The following SLC35F3 variants were observed in gnomAD, a reference collection of about 807,000 sequenced individuals.
SLC35F3 encodes the protein solute carrier family 35 member F3, also known as putative thiamine transporter SLC35F3.
In SLC35F3, 25 loss-of-function variants were observed where a neutral mutation model predicts 49.9. The observed-to-expected ratio is 0.50, with a 90% CI of 0.37 to 0.70. SLC35F3 has a LOEUF of 0.70. Ranked by LOEUF, SLC35F3 falls within the 30% of genes least tolerant of loss-of-function variation. The probability of loss-of-function intolerance (pLI) is 0.00; values close to 1 mark genes in which losing one functional copy is unlikely to be tolerated. For synonymous variants in SLC35F3, 275 were observed against 265.4 expected, an observed-to-expected ratio of 1.04 and a Z score of -0.35; for missense variants, 525 against 639.8, an observed-to-expected ratio of 0.82 and a Z score of 1.94.
At chr1:234,117,397 G>A (rs1188045145) in intron 2 of SLC35F3, among the ~76,000 whole-genome samples, 3 of 151,962 alleles carry the variant, frequency 2.0e-5, no homozygotes, top group Non-Finnish European at 4.4e-5. Context: ...TTCCAGACCA[G>A]CCTGGGCAAC....
At chr1:234,053,072 ATGG>A (rs1664402363) in intron 2 of SLC35F3, among the ~76,000 whole-genome samples, 1 of 152,058 alleles carries the variant, frequency 6.6e-6, no homozygotes, top group South Asian at 2.1e-4. Context: ...GTGGTCAATT[ATGG>A]AATAAGTGTG....
At chr1:234,294,155 A>G (rs1049450114) in intron 3 of SLC35F3, among the ~76,000 whole-genome samples, 2 of 152,248 alleles carry the variant, frequency 1.3e-5, no homozygotes, top group Admixed American at 6.5e-5. Context: ...TTGCCTACAC[A>G]TCTGCATAAT....
intron 2 of SLC35F3, among the ~76,000 whole-genome samples, chr1:234,032,366 CT>C (rs969805047): frequency 7.3e-5 from 11 of 149,964 alleles, no homozygotes; most frequent in African/African-American, 2.3e-4. Flanking sequence ...ATATTTTTTT[CT>C]TTTAAAAAAA....
intron 2 of SLC35F3, among the ~76,000 whole-genome samples, chr1:234,176,916 A>T (rs1666484712): frequency 6.6e-6 from 1 of 152,192 alleles, no homozygotes; most frequent in South Asian, 2.1e-4. Context: ...CCAGAACTGA[A>T]ATTTCTTCTT....
rs144054781 is a variant in SLC35F3 at position 234,112,384 on chromosome 1, C to G, written c.284-119033C>G. On this transcript the variant is annotated intron_variant, in intron 2 of 7. Transcript: ENST00000366618. ...AAACAAAAAAATCTGTGCTTAGACA[C>G]ATACTTTCCCTATAACAATGCACAG... Among the ~76,000 whole-genome samples, 7 of 152,134 alleles carry G rather than the reference C, an allele frequency of 4.6e-5. No homozygotes were observed. In the East Asian group the frequency reaches 1.4e-3, roughly 30 times the overall value.
chr1:233,944,098 A>G (rs1344569176), intron 2 of SLC35F3, among the ~76,000 whole-genome samples: 2 of 152,224 alleles, frequency 1.3e-5, no homozygotes, highest in African/African-American at 2.4e-5. Context: ...AAAGATCTCA[A>G]TTTAACAACC....
At chr1:234,308,377 CCA>C (rs1657259289) in intron 3 of SLC35F3, among the ~76,000 whole-genome samples, 2 of 152,192 alleles carry the variant, frequency 1.3e-5, no homozygotes, top group African/African-American at 4.8e-5. Flanking sequence ...GTCCCACAGG[CCA>C]CATGTGGTCC....
intron 2 of SLC35F3, among the ~76,000 whole-genome samples, chr1:233,920,836 C>G (rs1365909969): frequency 6.6e-6 from 1 of 151,578 alleles, no homozygotes; most frequent in Non-Finnish European, 1.5e-5. Flanking sequence ...CAGCCTCTGA[C>G]CAAGAGCCAG....
At chr1:234,218,809 G>T (rs1342210510) in intron 2 of SLC35F3, among the ~76,000 whole-genome samples, 1 of 152,130 alleles carries the variant, frequency 6.6e-6, no homozygotes, top group Admixed American at 6.5e-5. Context: ...CCAGCAGTTT[G>T]GGAGGCCGAG....
chr1:234,258,055 C>T (rs1667848639), intron 3 of SLC35F3, among the ~76,000 whole-genome samples: 1 of 152,126 alleles, frequency 6.6e-6, no homozygotes, highest in Non-Finnish European at 1.5e-5. Context: ...GGTGGTATTG[C>T]AGTAGAGAAA....
At chr1:234,061,617 A>G (rs980452024) in intron 2 of SLC35F3, among the ~76,000 whole-genome samples, 4 of 152,022 alleles carry the variant, frequency 2.6e-5, no homozygotes, top group Admixed American at 2.6e-4. Context: ...TAGTGTCACA[A>G]CTTTTCTGAG....
rs116557113 is a variant in SLC35F3, at chr1:234,065,663, G to A, written c.283+159905G>A. Among the ~76,000 whole-genome samples the A allele has an allele frequency of 2.7e-3, 416 of 152,308 alleles. 4 individuals are homozygous for A. Among genetic ancestry groups the A allele is most frequent in the Middle Eastern group, 0.01 (3 of 294 alleles). On this transcript the variant is annotated intron_variant, in intron 2 of 7. Transcript: ENST00000366618. ...TGTCCCACTTTGGTGGGCATGTGATGTTAGTAAAGACTTAAAAACAGTATG... is the reference window on the plus strand; with the variant it reads ...TGTCCCACTTTGGTGGGCATGTGATATTAGTAAAGACTTAAAAACAGTATG...
chr1:234,119,299 A>AT (rs34256875), intron 2 of SLC35F3, among the ~76,000 whole-genome samples: 2,849 of 140,110 alleles, frequency 0.02, 71 homozygotes, highest in African/African-American at 0.062. Flanking sequence ...ATTCATGGTG[A>AT]TTTTTTTTTT....
At position 234,214,600 on chromosome 1, in the gene SLC35F3, G is replaced by T; in HGVS notation, c.284-16817G>T. On this transcript the variant is annotated intron_variant, in intron 2 of 7. Transcript: ENST00000366618. This position sits in a 1 kb window ranked among gnomAD's most constrained non-coding sequence, Gnocchi z 8.0. ...GTAATGCGCGGCCGCCTCGCCCCGG[G>T]GGTCCCTGCACCCTAGCCGGGGAAT... 1 of 1,521,648 alleles carries T rather than the reference G, an allele frequency of 6.6e-7. No individual in the cohort carries two copies. Among genetic ancestry groups the T allele is most frequent in the Non-Finnish European group, 8.8e-7 (1 of 1,134,872 alleles). The allele number at this position is 1,521,648 out of a possible 1,614,324, so 94.3% of individuals were successfully genotyped here.
chr1:234,050,443 G>A (rs963450214), intron 2 of SLC35F3, among the ~76,000 whole-genome samples: 5 of 152,142 alleles, frequency 3.3e-5, no homozygotes, highest in African/African-American at 4.8e-5. Flanking sequence ...CTTCTTTTGA[G>A]AAGTGTCTGT....
intron 2 of SLC35F3, among the ~76,000 whole-genome samples, chr1:234,106,559 A>AG (rs549438152): frequency 4.8e-4 from 73 of 152,352 alleles, no homozygotes; most frequent in African/African-American, 1.7e-3. Flanking sequence ...ACACAGAGCC[A>AG]GCTCTAGTGT....
intron 2 of SLC35F3, among the ~76,000 whole-genome samples, chr1:233,937,249 A>T (rs1411755109): frequency 1.3e-5 from 2 of 152,248 alleles, no homozygotes; most frequent in Non-Finnish European, 1.5e-5. Context: ...CCTAGATTTT[A>T]AAAAGGAGAT....
chr1:234,138,440 C>T (rs368869299), intron 2 of SLC35F3, among the ~76,000 whole-genome samples: 2 of 152,270 alleles, frequency 1.3e-5, no homozygotes, highest in East Asian at 3.9e-4. Flanking sequence ...CACTCAAGAC[C>T]AGCTTTTCCT....
intron 2 of SLC35F3, among the ~76,000 whole-genome samples, chr1:234,018,955 G>A (rs1359129268): frequency 6.6e-6 from 1 of 152,188 alleles, no homozygotes; most frequent in Non-Finnish European, 1.5e-5. Context: ...GACTTGCATT[G>A]ATAATTCAAG....
Sources: gnomAD v4.1 joint callset for allele counts (sites outside exome capture counted in the v4.1 genomes callset) on GRCh38, gnomAD v4.1.1 for gene constraint, Gnocchi (gnomAD v3.1) non-coding constraint, MANE v1.5 for transcripts, NCBI Gene and HGNC (gene_info 2026-07-23, HGNC 2026-07-21) for gene names.